Variants in ITFG1 observed in about 807,000 individuals in gnomAD.
The protein encoded by ITFG1 is T-cell immunomodulatory protein.
In ITFG1, 34 loss-of-function variants were observed where a neutral mutation model predicts 81.8. The observed-to-expected ratio is 0.42, with a 90% CI of 0.32 to 0.55. ITFG1 has a LOEUF of 0.55. ITFG1 is among the 20% of genes least tolerant of loss of function. The pLI is 0.17. For missense variants in ITFG1, 672 were observed against 755.4 expected (o/e 0.89, Z 1.29); for synonymous variants, 285 against 270.6 (o/e 1.05, Z -0.52).
chr16:47,215,184 C>T (rs1965610942), intron 14 of ITFG1, among the ~76,000 whole-genome samples: 1 of 152,164 alleles, frequency 6.6e-6, no homozygotes. Context: ...TGTAGTCATC[C>T]TCTTCCTACA....
chr16:47,276,933 A>C (rs1966403895), intron 10 of ITFG1, among the ~76,000 whole-genome samples: 1 of 152,214 alleles, frequency 6.6e-6, no homozygotes. Context: ...ATACAGGAAA[A>C]TATCTTTATG....
chr16:47,437,968 C>A (rs1177867530), intron 5 of ITFG1, among the ~76,000 whole-genome samples: 1 of 152,198 alleles, frequency 6.6e-6, no homozygotes, highest in South Asian at 2.1e-4. Flanking sequence ...CCTGGAAAAA[C>A]GGGTCACTCC....
At chr16:47,452,355 A>G (rs1442325558) in intron 4 of ITFG1, among the ~76,000 whole-genome samples, 2 of 152,234 alleles carry the variant, frequency 1.3e-5, no homozygotes, top group African/African-American at 4.8e-5. Flanking sequence ...AGCAGGAGTT[A>G]TATTATAAAA....
At chr16:47,433,877 T>C (rs1301603387) in intron 5 of ITFG1, among the ~76,000 whole-genome samples, 2 of 108,380 alleles carry the variant, frequency 1.8e-5, no homozygotes, top group Admixed American at 1.7e-4. Flanking sequence ...TATATATATA[T>C]ATATATATAT....
chr16:47,456,852 A>C lies in ITFG1; in HGVS notation c.281+2251T>G, dbSNP rs965693230. Among the ~76,000 whole-genome samples, 3 of 152,190 alleles carry C rather than the reference A, an allele frequency of 2.0e-5. No homozygotes were observed. In the East Asian group the frequency reaches 5.8e-4, roughly 29 times the overall value. On this transcript the variant is annotated intron_variant, in intron 2 of 17. Coordinates refer to ENST00000320640, the MANE Select transcript of ITFG1 (RefSeq NM_030790.5). ...GAAATTCCCCACATAGTAAGTCTACAAAAGGCCTGGAGAATGAATCCAGAC... is the reference window on the plus strand; with the variant it reads ...GAAATTCCCCACATAGTAAGTCTACCAAAGGCCTGGAGAATGAATCCAGAC...
intron 12 of ITFG1, among the ~76,000 whole-genome samples, chr16:47,240,527 G>A (rs1965921518): frequency 6.6e-6 from 1 of 152,142 alleles, no homozygotes; most frequent in Admixed American, 6.5e-5. Context: ...GATGGCCACT[G>A]AGCTCATGAA....
At chr16:47,369,421 AG>A (rs2151588355) in intron 7 of ITFG1, among the ~76,000 whole-genome samples, 1 of 152,292 alleles carries the variant, frequency 6.6e-6, no homozygotes, top group East Asian at 1.9e-4. Flanking sequence ...GGTTCTGGAG[AG>A]GTCAAATGGA....
Position 47,379,672 on chromosome 16 carries a change from C to T in ITFG1, c.656-3732G>A, listed in dbSNP as rs531723245. On this transcript the variant is annotated intron_variant, in intron 6 of 17. Coordinates refer to ENST00000320640, the MANE Select transcript of ITFG1 (RefSeq NM_030790.5). The stretch of plus-strand genomic sequence containing the variant: ...TGTACTCCAGCTTGGGTGACAAGGG[C>T]GAGATTATTCCATCTCAAAAAAAAA... 2.2e-3 allele frequency among the ~76,000 whole-genome samples: 303 copies of T among 139,954 alleles called. 2 individuals are homozygous for T. Among genetic ancestry groups the T allele is most frequent in the African/African-American group, 7.9e-3 (294 of 37,220 alleles). The allele number at this position is 139,954 out of a possible 152,430, so 91.8% of individuals were successfully genotyped here. A position where few individuals can be genotyped will look rare whatever the true frequency, so the allele number is the denominator to read the frequency against.
chr16:47,259,015 G>C (rs1966174068), intron 11 of ITFG1, among the ~76,000 whole-genome samples: 1 of 152,168 alleles, frequency 6.6e-6, no homozygotes. Context: ...TTTGCATGAA[G>C]TTTCAAAGGC....
At chr16:47,235,959 T>C (rs895592696) in intron 13 of ITFG1, among the ~76,000 whole-genome samples, 1 of 152,142 alleles carries the variant, frequency 6.6e-6, no homozygotes, top group Non-Finnish European at 1.5e-5. Context: ...AAGGGCAGCT[T>C]AACAGGATCT....
In ITFG1 at chr16:47,224,067, G is replaced by T. The variant is rs1031035755; in HGVS notation, c.1375-5121C>A. ...ACATCACACTCTGGGGACTGTTGTGGGGTGGGGGGAGGGGAGGGATAGCAT... is the reference window on the plus strand; with the variant it reads ...ACATCACACTCTGGGGACTGTTGTGTGGTGGGGGGAGGGGAGGGATAGCAT... On this transcript the variant is annotated intron_variant, in intron 13 of 17. Transcript: ENST00000320640. 2.4e-5 allele frequency among the ~76,000 whole-genome samples: 3 copies of T among 126,862 alleles called. 1 individual carries two copies. The South Asian group carries it at 9.5e-4, about 40-fold the overall frequency. 83.2% of individuals were successfully genotyped at this position (126,862 alleles called of 152,430 possible).
chr16:47,373,715 C>T (rs1163812234), intron 7 of ITFG1, among the ~76,000 whole-genome samples: 2 of 152,214 alleles, frequency 1.3e-5, no homozygotes, highest in Non-Finnish European at 2.9e-5. Flanking sequence ...ATCCCAGCTC[C>T]TAGCCTACAA....
At chr16:47,440,925 C>A (rs1156906736) in intron 5 of ITFG1, among the ~76,000 whole-genome samples, 4 of 151,992 alleles carry the variant, frequency 2.6e-5, no homozygotes, top group Non-Finnish European at 4.4e-5. Context: ...ATCAACAAAA[C>A]TGATAGACCG....
At position 47,270,463 on chromosome 16, in the gene ITFG1, C is replaced by T. The variant is rs533973855; in HGVS notation, c.1071-9768G>A. 4.4e-4 allele frequency among the ~76,000 whole-genome samples: 67 copies of T among 152,278 alleles called. No homozygotes were observed. In the Middle Eastern group the frequency reaches 0.02, roughly 46 times the overall value. On this transcript the variant is annotated intron_variant, in intron 10 of 17. Transcript: ENST00000320640. ...ATAAAATTAAAAAGACCAACCATAC[C>T]GATTTTGGAGAAAATGTGGAGAAAC...
chr16:47,288,202 A>C (rs1966877650), intron 10 of ITFG1, among the ~76,000 whole-genome samples: 1 of 152,164 alleles, frequency 6.6e-6, no homozygotes, highest in African/African-American at 2.4e-5. Context: ...GTGGTTATTC[A>C]CCTTTCTGTA....
chr16:47,409,401 TA>T (rs1399525556), intron 6 of ITFG1, among the ~76,000 whole-genome samples: 88 of 30,176 alleles, frequency 2.9e-3, no homozygotes, highest in African/African-American at 7.0e-3. Context: ...TATATATATA[TA>T]TATTTTTTTT....
chr16:47,352,328 C>T (rs1394064047), intron 8 of ITFG1, among the ~76,000 whole-genome samples: 1 of 152,130 alleles, frequency 6.6e-6, no homozygotes, highest in Non-Finnish European at 1.5e-5. Context: ...GGGGTAATAT[C>T]CCAAATCTAC....
intron 12 of ITFG1, among the ~76,000 whole-genome samples, chr16:47,255,960 C>T (rs561231673): frequency 3.9e-5 from 6 of 151,900 alleles, no homozygotes; most frequent in Admixed American, 2.0e-4. Flanking sequence ...GGTAAAATAA[C>T]TGATTTTATT....
intron 10 of ITFG1, among the ~76,000 whole-genome samples, chr16:47,292,719 C>A (rs1219791871): frequency 1.3e-5 from 2 of 152,154 alleles, no homozygotes; most frequent in Non-Finnish European, 2.9e-5. Flanking sequence ...GTCCATTCTG[C>A]ACACTAGAAA....
Sources: gnomAD v4.1 joint callset for allele counts (sites outside exome capture counted in the v4.1 genomes callset) on GRCh38, gnomAD v4.1.1 for gene constraint, MANE v1.5 for transcripts, NCBI Gene and HGNC (gene_info 2026-07-23, HGNC 2026-07-21) for gene names.